Variants in PDE4B observed in about 807,000 individuals in gnomAD.
PDE4B encodes the protein phosphodiesterase 4B, also known as 3',5'-cyclic-AMP phosphodiesterase 4B.
In PDE4B, 20 loss-of-function variants were observed where a neutral mutation model predicts 82.2. The ratio of observed to expected loss-of-function variants is 0.24; its 90% confidence interval spans 0.17 to 0.35. PDE4B has a LOEUF of 0.35. PDE4B is among the 10% of genes least tolerant of loss of function. PDE4B has a pLI of 1.00. For synonymous variants in PDE4B, 320 were observed against 318.9 expected (o/e 1.00, Z -0.04); for missense variants, 655 against 907.2 (o/e 0.72, Z 3.57).
chr1:66,075,019 G>T (rs1656345655), intron 3 of PDE4B, among the ~76,000 whole-genome samples: 2 of 152,120 alleles, frequency 1.3e-5, no homozygotes, highest in South Asian at 4.2e-4. Flanking sequence ...GGGTGAGTTG[G>T]TGATGTTAGA....
chr1:66,231,329 C>G (rs1651932068), intron 3 of PDE4B, among the ~76,000 whole-genome samples: 2 of 152,314 alleles, frequency 1.3e-5, no homozygotes, highest in South Asian at 4.1e-4. Flanking sequence ...GAGTCAGCAA[C>G]ACTGTGTGAA....
intron 3 of PDE4B, among the ~76,000 whole-genome samples, chr1:66,190,635 G>A (rs1647699752): frequency 6.6e-6 from 1 of 152,328 alleles, no homozygotes; most frequent in South Asian, 2.1e-4. Context: ...GAACCTCTGA[G>A]CCAGGCGTGG....
Position 66,365,691 on chromosome 1 carries a change from C to T in PDE4B, c.1309C>T (p.Leu437=). 6.2e-7 allele frequency: 1 copy of T among 1,609,000 alleles called. No individual in the cohort carries two copies. The highest frequency in any genetic ancestry group is 1.3e-5 in the African/African-American group (1 of 74,980). The change falls in exon 13 of 17, where the codon CTG becomes TTG. Residue 437 remains leucine, a synonymous_variant. Coordinates refer to ENST00000341517, the MANE Select transcript of PDE4B (RefSeq NM_002600.4). Reference sequence around the variant, plus strand: ...GGCTGTCTTCACAGATTTGGAGATCCTGGCTGCCATTTTTGCAGCTGCCAT... The same window carrying T: ...GGCTGTCTTCACAGATTTGGAGATCTTGGCTGCCATTTTTGCAGCTGCCAT... ...LDAVFTDLEI[L]AAIFAAAIHD... is the part of the protein sequence containing the mutation.
intron 3 of PDE4B, among the ~76,000 whole-genome samples, chr1:66,171,482 A>G (rs774828268): frequency 1.3e-5 from 2 of 152,160 alleles, no homozygotes; most frequent in Non-Finnish European, 2.9e-5. Flanking sequence ...AATTTTCTTT[A>G]AAAAGAATAT....
chr1:66,339,231 T>C (rs1660775543), intron 8 of PDE4B, among the ~76,000 whole-genome samples: 1 of 152,192 alleles, frequency 6.6e-6, no homozygotes, highest in South Asian at 2.1e-4. Context: ...CAAATAAAGA[T>C]GAAAGAGAAG....
At chr1:65,873,089 G>C (rs980107068) in intron 1 of PDE4B, among the ~76,000 whole-genome samples, 2 of 152,136 alleles carry the variant, frequency 1.3e-5, no homozygotes, top group African/African-American at 2.4e-5. Flanking sequence ...CACACGGGGA[G>C]GTAAAACTAT....
intron 3 of PDE4B, among the ~76,000 whole-genome samples, chr1:66,069,136 T>C (rs1656020995): frequency 6.6e-6 from 1 of 152,034 alleles, no homozygotes; most frequent in African/African-American, 2.4e-5. Context: ...TGCTGTGTTC[T>C]TACATGGTCC....
In PDE4B at chr1:65,792,951, G is replaced by A. The variant is rs1326369107; in HGVS notation, c.-368G>A. 6.6e-6 allele frequency among the ~76,000 whole-genome samples: 1 copy of A among 151,820 alleles called. No individual in the cohort carries two copies. The highest frequency in any genetic ancestry group is 1.5e-5 in the Non-Finnish European group (1 of 67,902). On this transcript the variant is annotated 5_prime_UTR_variant, in exon 1 of 17. Coordinates refer to ENST00000341517, the MANE Select transcript of PDE4B (RefSeq NM_002600.4). ...GCCAGCGCCTGTGTCTCCCTGGCGC[G>A]GGTTCCCCAGGCTAGCCCGCTGGCC... is the stretch of plus-strand genomic sequence containing the variant.
At chr1:65,932,274 C>G (rs1424415713) in intron 3 of PDE4B, among the ~76,000 whole-genome samples, 1 of 151,966 alleles carries the variant, frequency 6.6e-6, no homozygotes, top group Non-Finnish European at 1.5e-5. Flanking sequence ...GCTTCTCTCT[C>G]TGTGTGTCAT....
intron 3 of PDE4B, among the ~76,000 whole-genome samples, chr1:66,187,758 A>G (rs1335192730): frequency 6.6e-6 from 1 of 151,466 alleles, no homozygotes; most frequent in African/African-American, 2.4e-5. Context: ...CGGTCTATCA[A>G]TTTTGTTGAT....
intron 7 of PDE4B, chr1:66,266,961 C>A (rs946249929): frequency 2.9e-5 from 6 of 207,264 alleles, no homozygotes; most frequent in Admixed American, 1.1e-4. Context: ...TTTCCAGCAG[C>A]GCTTCATACT....
intron 3 of PDE4B, among the ~76,000 whole-genome samples, chr1:66,241,826 C>G (rs4655604): frequency 0.19 from 28,763 of 152,058 alleles, 5,422 homozygotes; most frequent in African/African-American, 0.47. Context: ...AGGGAGAATG[C>G]GGAAAGAAGA....
intron 9 of PDE4B, among the ~76,000 whole-genome samples, chr1:66,359,753 T>C (rs1372909650): frequency 1.3e-5 from 2 of 152,174 alleles, no homozygotes; most frequent in South Asian, 2.1e-4. Flanking sequence ...TAGCCTTTCA[T>C]TTTAGCAAAA....
chr1:65,954,117 G>A (rs1393574727), intron 3 of PDE4B, among the ~76,000 whole-genome samples: 3 of 151,948 alleles, frequency 2.0e-5, no homozygotes, highest in African/African-American at 4.8e-5. Flanking sequence ...GGCTGGTCTC[G>A]AACTCCTGAC....
intron 8 of PDE4B, among the ~76,000 whole-genome samples, chr1:66,353,253 T>A (rs1000651658): frequency 3.4e-5 from 5 of 145,742 alleles, no homozygotes; most frequent in Non-Finnish European, 7.8e-5. Context: ...ACATATTGTA[T>A]CATGGGAAAC....
chr1:65,893,515 G>C (rs765052525), intron 1 of PDE4B, among the ~76,000 whole-genome samples: 1 of 152,032 alleles, frequency 6.6e-6, no homozygotes, highest in African/African-American at 2.4e-5. Flanking sequence ...GCATGGATGT[G>C]GTGAAAGGGA....
At chr1:66,312,420 C>T (rs549003686) in intron 7 of PDE4B, among the ~76,000 whole-genome samples, 16 of 152,214 alleles carry the variant, frequency 1.1e-4, no homozygotes, top group Non-Finnish European at 1.9e-4. Context: ...CATTCCTTGG[C>T]TCCTGGCCCC....
chr1:65,893,720 G>A (rs188281251), intron 1 of PDE4B, among the ~76,000 whole-genome samples: 1 of 152,104 alleles, frequency 6.6e-6, no homozygotes, highest in Non-Finnish European at 1.5e-5. Context: ...ATTTTCAGTT[G>A]CAAAGATATG....
intron 1 of PDE4B, among the ~76,000 whole-genome samples, chr1:65,834,280 G>T (rs1424418468): frequency 6.6e-6 from 1 of 152,166 alleles, no homozygotes; most frequent in African/African-American, 2.4e-5. Context: ...CTGACCTCAT[G>T]TGGTCCACCT....
Sources: gnomAD v4.1 joint callset for allele counts (sites outside exome capture counted in the v4.1 genomes callset) on GRCh38, gnomAD v4.1.1 for gene constraint, MANE v1.5 for transcripts, NCBI Gene and HGNC (gene_info 2026-07-23, HGNC 2026-07-21) for gene names.